OXR1: variants seen among roughly 807,000 people sequenced by gnomAD.
OXR1 encodes the protein oxidation resistance 1.
Under a neutral mutation model 104.6 loss-of-function variants are expected in OXR1, and 41 were observed. That is an observed-to-expected ratio of 0.39 (90% CI 0.31 to 0.51). The LOEUF is 0.51. OXR1 is among the 20% of genes least tolerant of loss of function. OXR1 has a pLI of 0.77. For missense variants in OXR1, 955 were observed against 1,031.9 expected (o/e 0.93, Z 1.02); for synonymous variants, 348 against 348.4 (o/e 1.00, Z 0.01).
At chr8:106,423,431 G>A (rs1331139863) in intron 2 of OXR1, among the ~76,000 whole-genome samples, 1 of 152,092 alleles carries the variant, frequency 6.6e-6, no homozygotes, top group African/African-American at 2.4e-5. Context: ...TTCATTTAAG[G>A]AGCGATTTCT....
At chr8:106,484,384 T>C (rs1901781) in intron 2 of OXR1, among the ~76,000 whole-genome samples, 24,601 of 152,074 alleles carry the variant, frequency 0.16, 2,288 homozygotes, top group African/African-American at 0.24. Context: ...ACATTGTATA[T>C]GTGTACCAAA....
intron 3 of OXR1, among the ~76,000 whole-genome samples, chr8:106,607,349 C>T (rs1820478424): frequency 6.6e-6 from 1 of 152,218 alleles, no homozygotes; most frequent in African/African-American, 2.4e-5. Flanking sequence ...GTTATCCCTT[C>T]CTCCCCTCTG....
intron 3 of OXR1, among the ~76,000 whole-genome samples, chr8:106,665,819 G>A (rs947612840): frequency 3.5e-4 from 53 of 152,194 alleles, no homozygotes; most frequent in African/African-American, 1.3e-3. Flanking sequence ...ACAAAAATTG[G>A]CTTTTATTTT....
chr8:106,548,895 C>A (rs1337207627), intron 3 of OXR1, among the ~76,000 whole-genome samples: 1 of 152,150 alleles, frequency 6.6e-6, no homozygotes, highest in African/African-American at 2.4e-5. Flanking sequence ...AGCCTAAAAC[C>A]AGCTGCAGAA....
chr8:106,364,605 C>CA (rs1189618689), intron 2 of OXR1, among the ~76,000 whole-genome samples: 5 of 68,270 alleles, frequency 7.3e-5, no homozygotes, highest in African/African-American at 3.1e-4. Flanking sequence ...ACAACAAAAA[C>CA]AAAAAAAGTA....
intron 1 of OXR1, among the ~76,000 whole-genome samples, chr8:106,288,073 T>G (rs955272703): frequency 3.3e-5 from 5 of 152,192 alleles, no homozygotes; most frequent in African/African-American, 1.2e-4. Flanking sequence ...GACACACCCA[T>G]GCAGAATGCA....
chr8:106,662,079 T>C (rs532135817), intron 3 of OXR1, among the ~76,000 whole-genome samples: 2 of 152,354 alleles, frequency 1.3e-5, no homozygotes, highest in Non-Finnish European at 2.9e-5. Flanking sequence ...ACAGTTCTGC[T>C]AAAATGGCTA....
At chr8:106,743,467 G>T (rs2131585337) in intron 15 of OXR1, among the ~76,000 whole-genome samples, 1 of 152,244 alleles carries the variant, frequency 6.6e-6, no homozygotes, top group African/African-American at 2.4e-5. Flanking sequence ...GATTACAGGT[G>T]TACACACCAT....
intron 2 of OXR1, chr8:106,447,886 C>G (rs1218247131): frequency 1.3e-6 from 2 of 1,495,590 alleles, no homozygotes; most frequent in Non-Finnish European, 1.8e-6. Flanking sequence ...CCCCACCCCC[C>G]AACAGCCGGG....
At chr8:106,708,696 A>T in intron 9 of OXR1, among the ~76,000 whole-genome samples, 1 of 152,088 alleles carries the variant, frequency 6.6e-6, no homozygotes, top group Non-Finnish European at 1.5e-5. Flanking sequence ...TGGTTGTTTC[A>T]ACCTTTTGGC....
chr8:106,514,782 T>TTTGTATAGCA (rs1812755838), intron 2 of OXR1, among the ~76,000 whole-genome samples: 1 of 152,092 alleles, frequency 6.6e-6, no homozygotes, highest in Admixed American at 6.6e-5. Context: ...CAGTTTCTGG[T>TTTGTATAGCA]GATAAAATAA....
At chr8:106,293,701 G>T (rs762902310) in intron 1 of OXR1, among the ~76,000 whole-genome samples, 1 of 152,124 alleles carries the variant, frequency 6.6e-6, no homozygotes, top group Non-Finnish European at 1.5e-5. Context: ...GTATCCTCAC[G>T]TGGCAGAAGA....
chr8:106,581,466 ATG>A (rs1410817015), intron 3 of OXR1, among the ~76,000 whole-genome samples: 2 of 151,962 alleles, frequency 1.3e-5, no homozygotes, highest in Admixed American at 1.3e-4. Flanking sequence ...AGAAAAGAAT[ATG>A]TGTGTTGTCA....
intron 3 of OXR1, among the ~76,000 whole-genome samples, chr8:106,642,313 C>T (rs1823720065): frequency 6.6e-6 from 1 of 152,098 alleles, no homozygotes; most frequent in Non-Finnish European, 1.5e-5. Flanking sequence ...GTTATACTCC[C>T]TCCTGTAACA....
intron 3 of OXR1, among the ~76,000 whole-genome samples, chr8:106,639,354 C>G (rs1443993677): frequency 6.6e-6 from 1 of 152,128 alleles, no homozygotes; most frequent in Non-Finnish European, 1.5e-5. Context: ...CAATGGCCAA[C>G]CTTCCATAAA....
intron 4 of OXR1, among the ~76,000 whole-genome samples, chr8:106,682,311 C>T (rs1160044744): frequency 6.7e-6 from 1 of 148,704 alleles, no homozygotes; most frequent in African/African-American, 2.5e-5. Flanking sequence ...CCCTGTCGCC[C>T]AGACTGGAGT....
intron 3 of OXR1, among the ~76,000 whole-genome samples, chr8:106,615,159 G>T (rs1346376099): frequency 6.6e-6 from 1 of 152,020 alleles, no homozygotes; most frequent in African/African-American, 2.4e-5. Context: ...GCCAGGCGCG[G>T]TGGCTCGTGC....
chr8:106,380,757 T>A (rs1392362992), intron 2 of OXR1, among the ~76,000 whole-genome samples: 1 of 152,206 alleles, frequency 6.6e-6, no homozygotes, highest in Non-Finnish European at 1.5e-5. Flanking sequence ...CGGCAATTTT[T>A]TTGAAGAAAT....
At chr8:106,397,014 T>C (rs974161984) in intron 2 of OXR1, among the ~76,000 whole-genome samples, 3 of 152,132 alleles carry the variant, frequency 2.0e-5, no homozygotes, top group African/African-American at 7.2e-5. Flanking sequence ...CAGACCAATA[T>C]GTATAATATG....
Sources: allele counts gnomAD v4.1 joint callset (sites outside exome capture counted in the v4.1 genomes callset), GRCh38; gene constraint gnomAD v4.1.1; transcripts MANE v1.5; gene names NCBI Gene and HGNC (gene_info 2026-07-23, HGNC 2026-07-21).